Variants in KCNQ2 observed in about 807,000 individuals in gnomAD.
KCNQ2 encodes potassium voltage-gated channel subfamily Q member 2.
KCNQ2 carries 14 observed loss-of-function variants against 84.8 expected under a neutral mutation model. The ratio of observed to expected loss-of-function variants is 0.17; its 90% CI spans 0.11 to 0.26. The LOEUF (loss-of-function observed/expected upper bound fraction) is 0.26. Among genes scored for constraint, KCNQ2 ranks in the 10% least tolerant of loss-of-function variants. KCNQ2 has a pLI of 1.00. For missense variants in KCNQ2, 788 were observed against 1,254.0 expected, an observed-to-expected ratio of 0.63 and a Z score of 5.61; for synonymous variants, 599 against 554.1, an observed-to-expected ratio of 1.08 and a Z score of -1.14.
At chr20:63,467,654 A>C (rs1028451946) in intron 1 of KCNQ2, among the ~76,000 whole-genome samples, 15 of 152,216 alleles carry the variant, frequency 9.9e-5, no homozygotes, top group Non-Finnish European at 1.8e-4. Flanking sequence ...AGATCCATAG[A>C]TTCATTTGTT....
rs752770712 is a variant in KCNQ2 at position 63,444,847 on chromosome 20, C to T, written c.515-13G>A. The T allele has an allele frequency of 5.1e-6, 8 of 1,578,558 alleles. No homozygotes were observed. Among genetic ancestry groups the T allele is most frequent in the East Asian group, 2.3e-5 (1 of 43,768 alleles). ...AGCACCATGATGTCTACAAAGCGGG[C>T]GTGGAGCTGGTGAGCTGCTGGGCCG... On this transcript the variant is annotated splice_polypyrimidine_tract_variant and intron_variant, in intron 3 of 16. Transcript: ENST00000359125.
chr20:63,424,760 C>T lies in KCNQ2; in HGVS notation c.1218-554G>A, dbSNP rs531800780. On this transcript the variant is annotated intron_variant, in intron 10 of 16. Coordinates refer to ENST00000359125, the MANE Select transcript of KCNQ2 (RefSeq NM_172107.4). ...GGCCTCGTCCTGCAGGCAAAGCTGT[C>T]TGGGCCTTCCGGCGTCTCATCTGGG... Among the ~76,000 whole-genome samples the T allele has an allele frequency of 6.6e-5, 10 of 152,368 alleles. No homozygotes were observed. In the East Asian group the frequency reaches 1.2e-3, roughly 18 times the overall value.
In KCNQ2 at chr20:63,403,412, G is replaced by T. The variant is rs1297712054; in HGVS notation, c.*3232C>A. The T allele has an allele frequency of 6.6e-6, 1 of 152,184 alleles. No individual in the cohort carries two copies. Among genetic ancestry groups the T allele is most frequent in the African/African-American group, 2.4e-5 (1 of 41,278 alleles). The allele number at this position is 152,184 out of a possible 1,614,324, so 9.4% of individuals were successfully genotyped here. A position where few individuals can be genotyped will look rare whatever the true frequency, so the allele number is the denominator to read the frequency against. The stretch of plus-strand genomic sequence containing the variant: ...AGTGTGCATGCACGCGTGTGTGTGT[G>T]CATGTGTGCAGTGTGCTCTGTGCAC... On this transcript the variant is annotated 3_prime_UTR_variant, in exon 17 of 17. Transcript: ENST00000359125.
At chr20:63,416,242 G>A (rs938514328) in intron 12 of KCNQ2, among the ~76,000 whole-genome samples, 21 of 152,238 alleles carry the variant, frequency 1.4e-4, no homozygotes, top group African/African-American at 4.8e-4. Flanking sequence ...ATTTGCAGCT[G>A]TGTCTGGCTG....
At chr20:63,428,624 T>C (rs1433073051) in intron 9 of KCNQ2, among the ~76,000 whole-genome samples, 189 bp from the exon 10 acceptor site, 1 of 152,174 alleles carries the variant, frequency 6.6e-6, no homozygotes, top group Non-Finnish European at 1.5e-5. Flanking sequence ...TGGGCAGGCC[T>C]GGGAGCCATC....
chr20:63,415,397 AG>A (rs1324376271), intron 12 of KCNQ2, among the ~76,000 whole-genome samples: 1 of 22,636 alleles, frequency 4.4e-5, no homozygotes, highest in East Asian at 2.2e-3. Context: ...GGCGGGAGGG[AG>A]GGGGGGAGGC....
At chr20:63,420,759 C>G (rs1392493587) in intron 11 of KCNQ2, among the ~76,000 whole-genome samples, 2 of 152,188 alleles carry the variant, frequency 1.3e-5, no homozygotes, top group Non-Finnish European at 2.9e-5. Context: ...CTGCAAGACT[C>G]CAAGGGCGGG....
Position 63,408,021 on chromosome 20 carries a change from C to T in KCNQ2, c.1887+392G>A, listed in dbSNP as rs937724694. On this transcript the variant is annotated intron_variant, in intron 16 of 16. Transcript: ENST00000359125. The surrounding 1 kb of genome is among the most constrained non-coding windows in gnomAD (Gnocchi z 5.0). Reference sequence around the variant, plus strand: ...CAGGCCCCAAAACAAGGGTCCTCTGCGGTGGTTCCTGAGAATGCACCCCCA... The same window carrying T: ...CAGGCCCCAAAACAAGGGTCCTCTGTGGTGGTTCCTGAGAATGCACCCCCA... 5.7e-5 allele frequency: 17 copies of T among 298,860 alleles called. No individual in the cohort carries two copies. The highest frequency in any genetic ancestry group is 1.3e-4 in the African/African-American group (6 of 46,210). The allele number at this position is 298,860 out of a possible 1,614,324, so 18.5% of individuals were successfully genotyped here.
chr20:63,406,556 A>G lies in KCNQ2; in HGVS notation c.*88T>C. 7.0e-7 allele frequency: 1 copy of G among 1,419,682 alleles called. No individual in the cohort carries two copies. Among genetic ancestry groups the G allele is most frequent in the Non-Finnish European group, 9.3e-7 (1 of 1,078,204 alleles). The allele number at this position is 1,419,682 out of a possible 1,614,324, so 87.9% of individuals were successfully genotyped here. On this transcript the variant is annotated 3_prime_UTR_variant, in exon 17 of 17. Transcript: ENST00000359125. ...TCCCGCCACACTCAGTTACTGTAAG[A>G]AAAGGGCCCCAGAGGGTTCCCGCCT...
intron 1 of KCNQ2, among the ~76,000 whole-genome samples, chr20:63,455,385 AG>A (rs1430289003): frequency 1.3e-5 from 2 of 152,088 alleles, no homozygotes; most frequent in African/African-American, 2.4e-5. Flanking sequence ...GCAGAGGGGC[AG>A]GGGGACACCT....
intron 1 of KCNQ2, among the ~76,000 whole-genome samples, chr20:63,469,776 G>C (rs1264440241): frequency 6.6e-6 from 1 of 152,230 alleles, no homozygotes. Context: ...ACCAAATGCT[G>C]CCTAACACGC....
intron 1 of KCNQ2, among the ~76,000 whole-genome samples, chr20:63,466,215 G>A (rs936541648): frequency 1.3e-5 from 2 of 152,120 alleles, no homozygotes; most frequent in Non-Finnish European, 2.9e-5. Flanking sequence ...CTCCGCGGCC[G>A]GTCCCACACG....
In KCNQ2 at chr20:63,439,582, G is replaced by A; in HGVS notation, c.927+16C>T. 1 of 1,591,596 alleles carries A rather than the reference G, an allele frequency of 6.3e-7. No individual in the cohort carries two copies. Among genetic ancestry groups the A allele is most frequent in the Non-Finnish European group, 8.6e-7 (1 of 1,160,222 alleles). ...CCTCGTCCCCCTCCAAGGCAGGCAG[G>A]GGCAGCTGGACTTACTGCAGGCAGC... On this transcript the variant is annotated intron_variant, in intron 6 of 16. Coordinates refer to ENST00000359125, the MANE Select transcript of KCNQ2 (RefSeq NM_172107.4).
At chr20:63,424,991 C>T (rs2080586427) in intron 10 of KCNQ2, among the ~76,000 whole-genome samples, 1 of 152,186 alleles carries the variant, frequency 6.6e-6, no homozygotes, top group African/African-American at 2.4e-5. Flanking sequence ...ATGGTCCACG[C>T]TCTCGGGGAG....
chr20:63,409,978 G>A (rs944494640), intron 15 of KCNQ2: 21 of 301,996 alleles, frequency 7.0e-5, no homozygotes, highest in South Asian at 4.2e-4. Flanking sequence ...TGATGGGAGG[G>A]GGGAGGGTGG....
In KCNQ2 at chr20:63,414,801, G is replaced by T; in HGVS notation, c.1525+102C>A. On this transcript the variant is annotated intron_variant, in intron 13 of 16. Transcript: ENST00000359125. This position sits in a 1 kb window ranked among gnomAD's most constrained non-coding sequence, Gnocchi z 6.6. ...AGGATAGGGGGTTCCCACTCCAAGA[G>T]CAAGCAAAAGCAGCTGCGACGCCAC... 2 of 1,132,776 alleles carry T rather than the reference G, an allele frequency of 1.8e-6. No individual in the cohort carries two copies. Among genetic ancestry groups the T allele is most frequent in the Non-Finnish European group, 2.7e-6 (2 of 749,828 alleles). The allele number at this position is 1,132,776 out of a possible 1,614,324, so 70.2% of individuals were successfully genotyped here. A position where few individuals can be genotyped will look rare whatever the true frequency, so the allele number is the denominator to read the frequency against.
chr20:63,472,269 C>T lies in KCNQ2; in HGVS notation c.195G>A (p.Gly65=), dbSNP rs2082235561. The T allele has an allele frequency of 2.0e-6, 3 of 1,538,198 alleles. No homozygotes were observed. Among genetic ancestry groups the T allele is most frequent in the Non-Finnish European group, 2.6e-6 (3 of 1,142,432 alleles). Residue 65 remains glycine, a synonymous_variant, in exon 1 of 17, where the codon GGG becomes GGA. Transcript: ENST00000359125. ...AGAAGGCGTTGCGCTTGGGGGGCTTCCCGGCGCCCGCGCCGCCCGCGCGAG... is the reference window on the plus strand; with the variant it reads ...AGAAGGCGTTGCGCTTGGGGGGCTTTCCGGCGCCCGCGCCGCCCGCGCGAG... ...SKPRAGGAGA[G]KPPKRNAFYR... is the part of the protein sequence containing the mutation.
At position 63,472,289 on chromosome 20, in the gene KCNQ2, C is replaced by T; in HGVS notation, c.175G>A (p.Ala59Thr). 1 of 1,538,652 alleles carries T rather than the reference C, an allele frequency of 6.5e-7. No homozygotes were observed. Among genetic ancestry groups the T allele is most frequent in the Non-Finnish European group, 8.8e-7 (1 of 1,142,598 alleles). ...KRGSILSKPRAGGAGAGKPPK... is the reference protein window; with the variant it reads ...KRGSILSKPRTGGAGAGKPPK... ...GGCTTCCCGGCGCCCGCGCCGCCCG[C>T]GCGAGGTTTGCTGAGGATGCTGCCG... Residue 59 changes from alanine to threonine, a missense_variant, in exon 1 of 17, where the codon GCG becomes ACG. This residue lies in a region of KCNQ2 where 106 missense variants were observed against 214.8 expected (regional missense o/e 0.49). Transcript: ENST00000359125.
At chr20:63,467,088 C>T (rs992275866) in intron 1 of KCNQ2, among the ~76,000 whole-genome samples, 5 of 152,340 alleles carry the variant, frequency 3.3e-5, no homozygotes, top group Non-Finnish European at 7.3e-5. Flanking sequence ...ATTGCTCCCG[C>T]CTGAGCCTTT....
Sources: allele counts gnomAD v4.1 joint callset (sites outside exome capture counted in the v4.1 genomes callset), GRCh38; gene constraint gnomAD v4.1.1; regional missense constraint gnomAD v4.1.1; non-coding constraint Gnocchi (gnomAD v3.1); transcripts MANE v1.5; gene names NCBI Gene and HGNC (gene_info 2026-07-23, HGNC 2026-07-21).